ANKRD6: variants seen among roughly 807,000 people sequenced by gnomAD.
ANKRD6 encodes ankyrin repeat domain 6.
A neutral mutation model predicts 82.3 loss-of-function variants in ANKRD6; 56 were observed. That is an observed-to-expected ratio of 0.68 (90% confidence interval 0.55 to 0.85). The LOEUF (loss-of-function observed/expected upper bound fraction) is 0.85. ANKRD6 is among the 40% of genes least tolerant of loss of function. The pLI, the probability that ANKRD6 is intolerant of heterozygous loss-of-function variation, is 0.00. For synonymous variants in ANKRD6, 347 were observed against 352.1 expected (o/e 0.99, Z 0.16); for missense variants, 852 against 907.6 (o/e 0.94, Z 0.79).
chr6:89,613,445 T>A (rs902692346), intron 6 of ANKRD6, among the ~76,000 whole-genome samples: 4 of 152,094 alleles, frequency 2.6e-5, no homozygotes, highest in Non-Finnish European at 4.4e-5. Flanking sequence ...ACCTTTTGGG[T>A]TGTAGGGAGG....
rs199519943 is a variant in ANKRD6, at chr6:89,567,014, G to A, written c.38G>A (p.Arg13His). ...GATGCGGTCGCTGCACTTTCAGAGC[G>A]CCTTCTCGTAGCTGCGTACAAAGGC... ...QQDAVAALSE[R>H]LLVAAYKGQT... Residue 13 changes from arginine (R) to histidine (H), a missense_variant, in exon 2 of 16, where the codon CGC (arginine) becomes CAC (histidine). By Grantham distance (29) the Arg-to-His change is conservative. Transcript: ENST00000339746. 1.3e-3 allele frequency: 2,046 copies of A among 1,604,596 alleles called. 1 individual carries two copies. Among genetic ancestry groups the A allele is most frequent in the Non-Finnish European group, 1.6e-3 (1,885 of 1,175,506 alleles).
intron 15 of ANKRD6, among the ~76,000 whole-genome samples, chr6:89,630,207 G>C (rs907554631): frequency 2.0e-5 from 3 of 152,210 alleles, no homozygotes; most frequent in African/African-American, 7.2e-5. Context: ...GGCTAACACA[G>C]AATCCATGAA....
rs1583323746 is a variant in ANKRD6 at position 89,566,831 on chromosome 6, T to C, written c.-143-3T>C. The C allele has an allele frequency of 8.8e-7, 1 of 1,140,284 alleles. No homozygotes were observed. The highest frequency in any genetic ancestry group is 2.7e-5 in the East Asian group (1 of 37,442). 70.6% of individuals were successfully genotyped at this position (1,140,284 alleles called of 1,614,324 possible). A position where few individuals can be genotyped will look rare whatever the true frequency, so the allele number is the denominator to read the frequency against. ...GATGGCACCTTTGTTTTGTAACCCC[T>C]AGGTCCCGAAGATGGCATATTCATA... On this transcript the variant is annotated splice_region_variant and splice_polypyrimidine_tract_variant and intron_variant, in intron 1 of 15. Transcript: ENST00000339746.
At chr6:89,436,622 C>T (rs1190705874) in intron 1 of ANKRD6, among the ~76,000 whole-genome samples, 1 of 152,128 alleles carries the variant, frequency 6.6e-6, no homozygotes, top group African/African-American at 2.4e-5. Flanking sequence ...TAGTCATACA[C>T]ATGGAGACAG....
At chr6:89,567,837 C>G (rs1474161623) in intron 2 of ANKRD6, among the ~76,000 whole-genome samples, 1 of 152,172 alleles carries the variant, frequency 6.6e-6, no homozygotes, top group Non-Finnish European at 1.5e-5. Flanking sequence ...CAGGGTCCCT[C>G]AGCCGCTGAG....
chr6:89,602,889 G>T (rs963143475), intron 3 of ANKRD6, 140 bp from the exon 4 acceptor site: 4 of 637,668 alleles, frequency 6.3e-6, no homozygotes, highest in Non-Finnish European at 1.1e-5. Context: ...CTTGCCTGTG[G>T]TAACCAAGCC....
chr6:89,450,700 G>A (rs930422198), intron 1 of ANKRD6, among the ~76,000 whole-genome samples: 1 of 150,808 alleles, frequency 6.6e-6, no homozygotes, highest in Admixed American at 6.6e-5. Flanking sequence ...TTGTAGAGAT[G>A]GGGGTCTCAC....
rs191236268 is a variant in ANKRD6, at chr6:89,482,149, A to G, written c.-144+48774A>G. On this transcript the variant is annotated intron_variant, in intron 1 of 15. Coordinates refer to ENST00000339746, the MANE Select transcript of ANKRD6 (RefSeq NM_001242809.2). ...CAGCAGTGAGATTCTGCCCTTTGAA[A>G]TATTTATAACATTCAATTCACTATA... is the stretch of plus-strand genomic sequence containing the variant. 5.9e-5 allele frequency among the ~76,000 whole-genome samples: 9 copies of G among 152,316 alleles called. 1 individual carries two copies. Among genetic ancestry groups the G allele is most frequent in the Admixed American group, 5.2e-4 (8 of 15,300 alleles).
chr6:89,450,352 A>G (rs989326633), intron 1 of ANKRD6, among the ~76,000 whole-genome samples: 1 of 151,900 alleles, frequency 6.6e-6, no homozygotes, highest in Non-Finnish European at 1.5e-5. Context: ...CAGAAACTTC[A>G]TTGTTGTCTT....
intron 2 of ANKRD6, among the ~76,000 whole-genome samples, chr6:89,585,241 C>T (rs1489637984): frequency 6.6e-6 from 1 of 151,900 alleles, no homozygotes; most frequent in Non-Finnish European, 1.5e-5. Flanking sequence ...TAAAAAAAAC[C>T]AAGAGCTAAC....
At chr6:89,489,129 C>G (rs968613251) in intron 1 of ANKRD6, among the ~76,000 whole-genome samples, 6 of 152,098 alleles carry the variant, frequency 3.9e-5, no homozygotes, top group Non-Finnish European at 7.4e-5. Context: ...GGCATTGCTC[C>G]TGAAGGGGTC....
chr6:89,549,006 A>G (rs1435745769), intron 1 of ANKRD6, among the ~76,000 whole-genome samples: 1 of 152,154 alleles, frequency 6.6e-6, no homozygotes, highest in Non-Finnish European at 1.5e-5. Flanking sequence ...TAGGAGTTTG[A>G]GACCAACCTG....
chr6:89,512,922 C>A (rs910985397), intron 1 of ANKRD6, among the ~76,000 whole-genome samples: 7 of 151,560 alleles, frequency 4.6e-5, no homozygotes, highest in Non-Finnish European at 7.4e-5. Context: ...TTTTTTCTTT[C>A]TTTTTCTCTC....
intron 1 of ANKRD6, among the ~76,000 whole-genome samples, chr6:89,447,124 T>C (rs372396968): frequency 4.6e-5 from 7 of 152,260 alleles, no homozygotes; most frequent in African/African-American, 1.7e-4. Context: ...CATGGTGATA[T>C]GCACCTGTAG....
intron 1 of ANKRD6, among the ~76,000 whole-genome samples, chr6:89,462,196 C>A (rs1179740965): frequency 4.0e-5 from 6 of 150,172 alleles, no homozygotes; most frequent in Non-Finnish European, 8.9e-5. Flanking sequence ...CACGCCACTG[C>A]ACTCCAGCCT....
At chr6:89,474,073 A>T (rs1475541650) in intron 1 of ANKRD6, among the ~76,000 whole-genome samples, 1 of 152,124 alleles carries the variant, frequency 6.6e-6, no homozygotes, top group East Asian at 1.9e-4. Flanking sequence ...CTCCAAATAG[A>T]CGACTGTCTC....
chr6:89,515,944 A>G (rs890226876), intron 1 of ANKRD6, among the ~76,000 whole-genome samples: 7 of 152,210 alleles, frequency 4.6e-5, no homozygotes, highest in African/African-American at 1.7e-4. Flanking sequence ...TGTGGCCTGA[A>G]CCAAGGACCA....
At chr6:89,517,297 A>C (rs1170092795) in intron 1 of ANKRD6, among the ~76,000 whole-genome samples, 10 of 152,232 alleles carry the variant, frequency 6.6e-5, no homozygotes, top group Admixed American at 6.5e-4. Context: ...TAATAATTTT[A>C]TTGCATTGTT....
chr6:89,555,811 A>G (rs1786517221), intron 1 of ANKRD6, among the ~76,000 whole-genome samples: 2 of 152,020 alleles, frequency 1.3e-5, no homozygotes, highest in Non-Finnish European at 2.9e-5. Context: ...TCTGGGGGAA[A>G]TATGTGTCAC....
Sources: gnomAD v4.1 joint callset for allele counts (sites outside exome capture counted in the v4.1 genomes callset) on GRCh38, gnomAD v4.1.1 for gene constraint, MANE v1.5 for transcripts, NCBI Gene and HGNC (gene_info 2026-07-23, HGNC 2026-07-21) for gene names.